Variants in ARHGEF17 observed in about 807,000 individuals in gnomAD.
The protein encoded by ARHGEF17 is 164 kDa Rho-specific guanine-nucleotide exchange factor.
A neutral mutation model predicts 174.0 loss-of-function variants in ARHGEF17; 80 were observed. The ratio of observed to expected loss-of-function variants is 0.46; its 90% CI spans 0.38 to 0.55. The LOEUF is 0.55. Among genes scored for constraint, ARHGEF17 ranks in the 20% least tolerant of loss-of-function variants. ARHGEF17 has a pLI of 0.00. For synonymous variants in ARHGEF17, 1,311 were observed against 1,189.1 expected (o/e 1.10, Z -2.11); for missense variants, 2,886 against 2,839.7 (o/e 1.02, Z -0.37).
chr11:73,360,957 G>T lies in ARHGEF17; in HGVS notation c.4421-131G>T, dbSNP rs544762051. 2.7e-5 allele frequency: 19 copies of T among 693,724 alleles called. 1 individual carries two copies. The South Asian group carries it at 3.5e-4, about 13-fold the overall frequency. The allele number at this position is 693,724 out of a possible 1,614,324, so 43.0% of individuals were successfully genotyped here. On this transcript the variant is annotated intron_variant, in intron 11 of 20. Coordinates refer to ENST00000263674, the MANE Select transcript of ARHGEF17 (RefSeq NM_014786.4). Reference sequence around the variant, plus strand: ...GGAGCAACTGCCTTATTCTAATGTGGCTGGGATCAGGCCTTCCCCTAAAGA... The same window carrying T: ...GGAGCAACTGCCTTATTCTAATGTGTCTGGGATCAGGCCTTCCCCTAAAGA...
Position 73,310,693 on chromosome 11 carries a change from T to A in ARHGEF17, c.2055T>A (p.Thr685=). Residue 685 remains threonine (T), a synonymous_variant, in exon 1 of 21, where the codon ACT becomes ACA. Transcript: ENST00000263674. The part of the protein sequence containing the change: ...SAQTNHHGPG[T]EDSLGGWALV... ...AGACGAACCACCATGGCCCTGGGAC[T>A]GAGGACAGTCTGGGCGGGTGGGCCC... 6.2e-7 allele frequency: 1 copy of A among 1,613,744 alleles called. No homozygotes were observed. Among genetic ancestry groups the A allele is most frequent in the Non-Finnish European group, 8.5e-7 (1 of 1,179,980 alleles).
Position 73,309,314 on chromosome 11 carries a change from G to A in ARHGEF17, c.676G>A (p.Gly226Arg), listed in dbSNP as rs774953746. ...GCATATCTTCTCCCAACCGCAGGCC[G>A]GGGCCCGGGCCTCCTGCTCCTCCTC... ...SWHIFSQPQA[G>R]ARASCSSSSI... is the part of the protein sequence containing the mutation. The change falls in exon 1 of 21, where the codon GGG becomes AGG. Residue 226 changes from glycine (G) to arginine (R), a missense_variant. Gly to Arg is a moderately radical substitution (Grantham distance 125, BLOSUM62 -2). Coordinates refer to ENST00000263674, the MANE Select transcript of ARHGEF17 (RefSeq NM_014786.4). 8.7e-6 allele frequency: 14 copies of A among 1,605,392 alleles called. No individual in the cohort carries two copies. The East Asian group carries it at 2.2e-4, about 26-fold the overall frequency.
At chr11:73,367,242 G>T (rs561174773) in intron 20 of ARHGEF17, among the ~76,000 whole-genome samples, 108 of 152,282 alleles carry the variant, frequency 7.1e-4, no homozygotes, top group Admixed American at 6.9e-3. Context: ...GAAGTAGGAG[G>T]CTTATTTAAT....
intron 1 of ARHGEF17, among the ~76,000 whole-genome samples, chr11:73,340,118 C>T (rs1296949449): frequency 6.6e-6 from 1 of 152,318 alleles, no homozygotes; most frequent in South Asian, 2.1e-4. Flanking sequence ...GCTCTGATGC[C>T]TGTGCTGTTA....
chr11:73,357,457 C>T, intron 9 of ARHGEF17, 130 bp downstream of exon 9: 1 of 807,480 alleles, frequency 1.2e-6, no homozygotes, highest in South Asian at 1.7e-5. Flanking sequence ...CTCTCTCATC[C>T]AGTGCAAGGG....
chr11:73,337,337 T>TTTGA (rs1865301965), intron 1 of ARHGEF17, among the ~76,000 whole-genome samples: 1 of 150,610 alleles, frequency 6.6e-6, no homozygotes, highest in African/African-American at 2.5e-5. Context: ...AGCCCAGGAG[T>TTTGA]TTGAGGTTGC....
At chr11:73,325,575 C>G (rs1211225977) in intron 1 of ARHGEF17, among the ~76,000 whole-genome samples, 1 of 152,238 alleles carries the variant, frequency 6.6e-6, no homozygotes, top group African/African-American at 2.4e-5. Flanking sequence ...CTCACTTTCT[C>G]ACTTTTCAAT....
chr11:73,312,890 C>T (rs1343387972), intron 1 of ARHGEF17, among the ~76,000 whole-genome samples: 1 of 152,188 alleles, frequency 6.6e-6, no homozygotes, highest in Admixed American at 6.5e-5. Context: ...TCAGCTATCC[C>T]TGGAGTTTAG....
Position 73,364,565 on chromosome 11 carries a change from G to A in ARHGEF17, c.5515G>A (p.Val1839Ile), listed in dbSNP as rs1423413147. ...GCTGTGGTGTGGCTGCCAGAACCGAGTCCTTGTCCTGAGCCCTGACACGCT... is the reference window on the plus strand; with the variant it reads ...GCTGTGGTGTGGCTGCCAGAACCGAATCCTTGTCCTGAGCCCTGACACGCT... Reference protein sequence around the residue: ...GRLWCGCQNRVLVLSPDTLQL... With the variant: ...GRLWCGCQNRILVLSPDTLQL... Residue 1839 changes from valine (V) to isoleucine (I), a missense_variant, in exon 18 of 21, where the codon GTC (valine) becomes ATC (isoleucine). By Grantham distance (29) the Val-to-Ile change is conservative. Coordinates refer to ENST00000263674, the MANE Select transcript of ARHGEF17 (RefSeq NM_014786.4). 2 of 1,613,356 alleles carry A rather than the reference G, an allele frequency of 1.2e-6. No individual in the cohort carries two copies. The highest frequency in any genetic ancestry group is 1.7e-5 in the Admixed American group (1 of 59,830).
intron 1 of ARHGEF17, among the ~76,000 whole-genome samples, chr11:73,336,408 G>C (rs1865287300): frequency 6.6e-6 from 1 of 152,200 alleles, no homozygotes; most frequent in Non-Finnish European, 1.5e-5. Flanking sequence ...GGTCTAGGAG[G>C]GGGCTGGGAG....
Position 73,310,202 on chromosome 11 carries a change from A to C in ARHGEF17, c.1564A>C (p.Ile522Leu), listed in dbSNP as rs1864791139. The C allele has an allele frequency of 6.2e-7, 1 of 1,613,736 alleles. No individual in the cohort carries two copies. Among genetic ancestry groups the C allele is most frequent in the Admixed American group, 1.7e-5 (1 of 60,000 alleles). The change falls in exon 1 of 21, where the codon ATC (isoleucine) becomes CTC (leucine). Residue 522 changes from isoleucine (I) to leucine (L), a missense_variant. By Grantham distance (5) the Ile-to-Leu change is conservative (BLOSUM62 2). Around this residue, in one of 4 missense-constraint regions of ARHGEF17, gnomAD observed 1,728 missense variants for 1,461.2 expected, o/e 1.18. Coordinates refer to ENST00000263674, the MANE Select transcript of ARHGEF17 (RefSeq NM_014786.4). ...GPVGQLEPIP[I>L]PAPASPGTRP... ...TGTGGGGCAACTTGAACCCATACCC[A>C]TCCCAGCCCCAGCATCACCTGGCAC...
chr11:73,356,823 C>T (rs371456101), intron 7 of ARHGEF17, 64 bp downstream of exon 7: 3 of 1,606,822 alleles, frequency 1.9e-6, no homozygotes, highest in Non-Finnish European at 2.6e-6. Flanking sequence ...CTCTTCTGCT[C>T]ACACCCTCTA....
intron 1 of ARHGEF17, among the ~76,000 whole-genome samples, chr11:73,319,121 T>C (rs1230690940): frequency 3.3e-5 from 5 of 150,920 alleles, no homozygotes; most frequent in Admixed American, 6.6e-5. Flanking sequence ...TGGAGTACAG[T>C]GGCACGATCT....
chr11:73,315,711 TCTC>T (rs1437814045), intron 1 of ARHGEF17, among the ~76,000 whole-genome samples: 2 of 152,054 alleles, frequency 1.3e-5, no homozygotes, highest in Non-Finnish European at 2.9e-5. Flanking sequence ...ATTCCTCACA[TCTC>T]CTCCCAACTC....
At position 73,311,389 on chromosome 11, in the gene ARHGEF17, A is replaced by G. The variant is rs533969393; in HGVS notation, c.2751A>G (p.Leu917=). 2 of 1,613,322 alleles carry G rather than the reference A, an allele frequency of 1.2e-6. No individual in the cohort carries two copies. The highest frequency in any genetic ancestry group is 3.3e-5 in the Admixed American group (2 of 60,028). Residue 917 remains leucine (L), a synonymous_variant, in exon 1 of 21, where the codon CTA becomes CTG. Coordinates refer to ENST00000263674, the MANE Select transcript of ARHGEF17 (RefSeq NM_014786.4). ...TGGCTGACATTCTGTCCCCGAGGCTAATCCGCCGAGGCTCCAAGAAGCGCC... is the reference window on the plus strand; with the variant it reads ...TGGCTGACATTCTGTCCCCGAGGCTGATCCGCCGAGGCTCCAAGAAGCGCC... ...PKLADILSPR[L]IRRGSKKRPA... is the part of the protein sequence containing the mutation.
chr11:73,347,939 A>G (rs920838744), intron 2 of ARHGEF17, among the ~76,000 whole-genome samples: 1 of 152,164 alleles, frequency 6.6e-6, no homozygotes, highest in Non-Finnish European at 1.5e-5. Flanking sequence ...GGGAAGCCCA[A>G]GATGATGTCT....
Position 73,331,604 on chromosome 11 carries a change from G to C in ARHGEF17, c.3193-15279G>C, listed in dbSNP as rs2134400091. Reference sequence around the variant, plus strand: ...GCCTCCCACCCCTGGGGGCCTGGAGGGTTGGGCGAGGGGGAGTGGGGGGGT... The same window carrying C: ...GCCTCCCACCCCTGGGGGCCTGGAGCGTTGGGCGAGGGGGAGTGGGGGGGT... On this transcript the variant is annotated intron_variant, in intron 1 of 20. Transcript: ENST00000263674. 1.3e-5 allele frequency among the ~76,000 whole-genome samples: 2 copies of C among 152,290 alleles called. 1 individual carries two copies. The highest frequency in any genetic ancestry group is 6.8e-3 in the Middle Eastern group (2 of 294).
rs927193899 is a variant in ARHGEF17 at position 73,364,169 on chromosome 11, C to T, written c.5334-3C>T. 7 of 1,614,064 alleles carry T rather than the reference C, an allele frequency of 4.3e-6. No individual in the cohort carries two copies. Among genetic ancestry groups the T allele is most frequent in the Non-Finnish European group, 5.9e-6 (7 of 1,180,004 alleles). ...CTTACTGCTTCCTCTTTTCCCTACC[C>T]AGGTATCTGAATAACCAGGTGTTTG... On this transcript the variant is annotated splice_region_variant and splice_polypyrimidine_tract_variant and intron_variant, in intron 16 of 20. Transcript: ENST00000263674.
chr11:73,362,799 G>T, intron 14 of ARHGEF17, 65 bp downstream of exon 14: 2 of 1,546,172 alleles, frequency 1.3e-6, no homozygotes, highest in Non-Finnish European at 1.7e-6. Context: ...AGAGGAGGGG[G>T]AGAGGAGGGA....
Sources: allele counts gnomAD v4.1 joint callset (sites outside exome capture counted in the v4.1 genomes callset), GRCh38; gene constraint gnomAD v4.1.1; regional missense constraint gnomAD v4.1.1; transcripts MANE v1.5; gene names NCBI Gene and HGNC (gene_info 2026-07-23, HGNC 2026-07-21).